The following NRXN1 variants were observed in gnomAD, a reference collection of about 807,000 sequenced individuals.
The protein encoded by NRXN1 is neurexin 1.
A neutral mutation model predicts 150.9 loss-of-function variants in NRXN1; 39 were observed. The observed-to-expected ratio is 0.26, with a 90% confidence interval of 0.20 to 0.34. NRXN1 has a LOEUF of 0.34. Among genes scored for constraint, NRXN1 ranks in the 10% least tolerant of loss-of-function variants. The pLI, the probability that NRXN1 is intolerant of heterozygous loss-of-function variation, is 1.00. For synonymous variants in NRXN1, 924 were observed against 757.0 expected, an observed-to-expected ratio of 1.22 and a Z score of -3.62; for missense variants, 1,815 against 1,949.9, an observed-to-expected ratio of 0.93 and a Z score of 1.30.
At position 50,214,103 on chromosome 2, in the gene NRXN1, C is replaced by T. The variant is rs1256575988; in HGVS notation, c.3546+22686G>A. 1.3e-5 allele frequency among the ~76,000 whole-genome samples: 2 copies of T among 151,912 alleles called. 1 individual carries two copies. Among genetic ancestry groups the T allele is most frequent in the African/African-American group, 4.8e-5 (2 of 41,412 alleles). On this transcript the variant is annotated intron_variant, in intron 18 of 22. Transcript: ENST00000401669. Reference sequence around the variant, plus strand: ...TCTTATGTTCTTGGATTTGATACTTCATTCTAGCTTGGGATACTCATATTA... The same window carrying T: ...TCTTATGTTCTTGGATTTGATACTTTATTCTAGCTTGGGATACTCATATTA...
At chr2:50,774,935 CA>C (rs1703430111) in intron 5 of NRXN1, among the ~76,000 whole-genome samples, 1 of 152,080 alleles carries the variant, frequency 6.6e-6, no homozygotes, top group African/African-American at 2.4e-5. Flanking sequence ...CAATAACAAA[CA>C]AAACTTTATG....
intron 9 of NRXN1, among the ~76,000 whole-genome samples, chr2:50,550,616 T>C (rs1055294917): frequency 6.6e-6 from 1 of 151,832 alleles, no homozygotes; most frequent in African/African-American, 2.4e-5. Context: ...GGGAACACTC[T>C]ATTATTATTG....
intron 5 of NRXN1, among the ~76,000 whole-genome samples, chr2:50,742,215 T>C (rs1170619596): frequency 6.6e-6 from 1 of 152,036 alleles, no homozygotes; most frequent in Non-Finnish European, 1.5e-5. Flanking sequence ...GAAAGAAATT[T>C]AACTTTGAGA....
At position 49,921,666 on chromosome 2, in the gene NRXN1, T is replaced by G. The variant is rs1668220119; in HGVS notation, c.*278A>C. 4.7e-6 allele frequency: 2 copies of G among 429,290 alleles called. No individual in the cohort carries two copies. Among genetic ancestry groups the G allele is most frequent in the Non-Finnish European group, 8.4e-6 (2 of 238,316 alleles). The allele number at this position is 429,290 out of a possible 1,614,324, so 26.6% of individuals were successfully genotyped here. A position where few individuals can be genotyped will look rare whatever the true frequency, so the allele number is the denominator to read the frequency against. ...AATGCGTGCGGTCATCACTGTCTTT[T>G]AGAAATGTTCCAGCAACATAAAGAC... On this transcript the variant is annotated 3_prime_UTR_variant, in exon 23 of 23. Transcript: ENST00000401669.
chr2:49,955,250 G>C (rs759160178), intron 21 of NRXN1, among the ~76,000 whole-genome samples: 1 of 152,052 alleles, frequency 6.6e-6, no homozygotes, highest in Non-Finnish European at 1.5e-5. Context: ...AATTGAACAA[G>C]TATAGATTAT....
rs199592328 is a variant in NRXN1, at chr2:50,552,985, C to T, written c.1361G>A (p.Arg454Gln). The T allele has an allele frequency of 9.3e-6, 15 of 1,612,522 alleles. 1 individual carries two copies. Among genetic ancestry groups the T allele is most frequent in the African/African-American group, 4.0e-5 (3 of 74,842 alleles). ...CTTAGGATCTCCTTGCTTGGCAAGTCGAGATAATTCCAGCCTCACATCATT... is the reference window on the plus strand; with the variant it reads ...CTTAGGATCTCCTTGCTTGGCAAGTTGAGATAATTCCAGCCTCACATCATT... ...KNNDVRLELS[R>Q]LAKQGDPKMK... The change falls in exon 9 of 23, where the codon CGA (arginine) becomes CAA (glutamine). Residue 454 changes from arginine (R) to glutamine (Q), a missense_variant. Arg to Gln is a conservative substitution (Grantham distance 43, BLOSUM62 1). Around this residue, in one of 6 missense-constraint regions of NRXN1, gnomAD observed 638 missense variants for 652.6 expected, o/e 0.98. Coordinates refer to ENST00000401669, the MANE Select transcript of NRXN1 (RefSeq NM_001330078.2).
At chr2:50,704,714 C>T (rs1392059961) in intron 5 of NRXN1, among the ~76,000 whole-genome samples, 1 of 150,798 alleles carries the variant, frequency 6.6e-6, no homozygotes, top group African/African-American at 2.4e-5. Flanking sequence ...TACTGCTTTC[C>T]TTGATCTCAT....
At chr2:50,013,151 T>C (rs1479664567) in intron 21 of NRXN1, among the ~76,000 whole-genome samples, 1 of 152,132 alleles carries the variant, frequency 6.6e-6, no homozygotes, top group Non-Finnish European at 1.5e-5. Context: ...TTCATTTTCA[T>C]TGGTTATCTT....
chr2:50,033,563 A>G (rs1689507608), intron 21 of NRXN1, among the ~76,000 whole-genome samples: 1 of 152,116 alleles, frequency 6.6e-6, no homozygotes, highest in African/African-American at 2.4e-5. Context: ...CGACATAGGA[A>G]CAGGCAAAGA....
At chr2:50,755,768 T>C (rs146560329) in intron 5 of NRXN1, among the ~76,000 whole-genome samples, 1 of 151,976 alleles carries the variant, frequency 6.6e-6, no homozygotes, top group African/African-American at 2.4e-5. Context: ...ATAACAATCA[T>C]CACTAATCCA....
chr2:50,311,610 C>G (rs1249821097), intron 17 of NRXN1, among the ~76,000 whole-genome samples: 1 of 152,020 alleles, frequency 6.6e-6, no homozygotes, highest in Non-Finnish European at 1.5e-5. Flanking sequence ...CAAAAGGACC[C>G]TAGAATTATC....
chr2:50,181,027 G>A (rs2060676821), intron 18 of NRXN1, among the ~76,000 whole-genome samples: 1 of 151,932 alleles, frequency 6.6e-6, no homozygotes, highest in Non-Finnish European at 1.5e-5. Context: ...CTTTAAGGAG[G>A]ATTTAGTATT....
intron 8 of NRXN1, among the ~76,000 whole-genome samples, chr2:50,577,430 T>C (rs1671603120): frequency 6.6e-6 from 1 of 152,040 alleles, no homozygotes; most frequent in South Asian, 2.1e-4. Context: ...ACCTTTATGA[T>C]TGATTTCCCG....
intron 19 of NRXN1, among the ~76,000 whole-genome samples, chr2:50,065,466 G>C (rs979033495): frequency 3.3e-5 from 5 of 152,134 alleles, no homozygotes; most frequent in Admixed American, 2.0e-4. Context: ...ATTAAGGCTT[G>C]TCTACAAAGT....
intron 21 of NRXN1, among the ~76,000 whole-genome samples, chr2:49,945,902 C>A (rs547169191): frequency 4.6e-5 from 7 of 152,220 alleles, no homozygotes; most frequent in African/African-American, 1.4e-4. Context: ...GGTATATACC[C>A]AGTAATGGGA....
At chr2:50,913,685 A>T (rs1684834257) in intron 5 of NRXN1, among the ~76,000 whole-genome samples, 1 of 151,738 alleles carries the variant, frequency 6.6e-6, no homozygotes. Context: ...AACACGAATA[A>T]TTAATAGAGA....
At chr2:50,389,284 A>G (rs981225305) in intron 17 of NRXN1, among the ~76,000 whole-genome samples, 3 of 149,934 alleles carry the variant, frequency 2.0e-5, no homozygotes, top group African/African-American at 7.4e-5. Flanking sequence ...TGTCCAATGT[A>G]TCTAGTATCA....
chr2:50,171,278 T>TTATA (rs143884104), intron 18 of NRXN1, among the ~76,000 whole-genome samples: 1 of 150,964 alleles, frequency 6.6e-6, no homozygotes, highest in African/African-American at 2.4e-5. Flanking sequence ...AGAGAGCATT[T>TTATA]TATATATATA....
At chr2:50,771,127 G>A (rs1460198263) in intron 5 of NRXN1, among the ~76,000 whole-genome samples, 1 of 152,046 alleles carries the variant, frequency 6.6e-6, no homozygotes, top group African/African-American at 2.4e-5. Flanking sequence ...AAAACGGACT[G>A]CAGATTGTAC....
Sources: gnomAD v4.1 joint callset for allele counts (sites outside exome capture counted in the v4.1 genomes callset) on GRCh38, gnomAD v4.1.1 for gene constraint, gnomAD v4.1.1 regional missense constraint, MANE v1.5 for transcripts, NCBI Gene and HGNC (gene_info 2026-07-23, HGNC 2026-07-21) for gene names.